The following TNIP3 variants were observed in gnomAD, a reference collection of about 807,000 sequenced individuals.
TNIP3 encodes TNFAIP3-interacting protein 3.
Under a neutral mutation model 54.1 loss-of-function variants are expected in TNIP3, and 34 were observed. That is an observed-to-expected ratio of 0.63 (90% CI 0.48 to 0.84). TNIP3 has a LOEUF of 0.84. TNIP3 is among the 40% of genes least tolerant of loss of function. The pLI, the probability that TNIP3 is intolerant of heterozygous loss-of-function variation, is 0.00. For missense variants in TNIP3, 366 were observed against 387.6 expected (o/e 0.94, Z 0.47); for synonymous variants, 134 against 136.8 (o/e 0.98, Z 0.14).
chr4:121,204,055 T>C (rs115957077), intron 2 of TNIP3, among the ~76,000 whole-genome samples: 3,970 of 151,856 alleles, frequency 0.026, 81 homozygotes, highest in Admixed American at 0.036. Context: ...AATCTCTGAC[T>C]ATTCCTTCAG....
chr4:121,204,989 A>G (rs1726102693), intron 2 of TNIP3, among the ~76,000 whole-genome samples: 1 of 152,092 alleles, frequency 6.6e-6, no homozygotes, highest in African/African-American at 2.4e-5. Flanking sequence ...CTCTTCCGTA[A>G]TTGTTCATTC....
At chr4:121,144,078 G>A (rs529427470) in intron 7 of TNIP3, among the ~76,000 whole-genome samples, 6 of 152,302 alleles carry the variant, frequency 3.9e-5, no homozygotes, top group Admixed American at 2.0e-4. Flanking sequence ...ATTGATTTGG[G>A]GATGACAAAT....
intron 3 of TNIP3, among the ~76,000 whole-genome samples, chr4:121,177,358 T>C (rs1579445711): frequency 1.3e-5 from 2 of 152,362 alleles, no homozygotes; most frequent in East Asian, 3.9e-4. Flanking sequence ...TCTCCCAGAA[T>C]ATAAAAGCAC....
intron 1 of TNIP3, among the ~76,000 whole-genome samples, chr4:121,227,143 T>G (rs1202692440): frequency 3.3e-5 from 5 of 152,192 alleles, no homozygotes; most frequent in African/African-American, 1.2e-4. Flanking sequence ...TAACAAAAGC[T>G]GTAAAATAAA....
intron 4 of TNIP3, 140 bp from the exon 5 acceptor site, chr4:121,154,819 G>T: frequency 1.4e-6 from 1 of 690,492 alleles, no homozygotes; most frequent in Non-Finnish European, 2.3e-6. Context: ...GGACCTGCAA[G>T]ACTTTAAACT....
At chr4:121,222,183 T>G (rs965339987) in intron 1 of TNIP3, among the ~76,000 whole-genome samples, 1 of 152,202 alleles carries the variant, frequency 6.6e-6, no homozygotes, top group Admixed American at 6.5e-5. Context: ...AGTGAAATAT[T>G]AGTGAATTTC....
At chr4:121,209,732 G>A (rs1405040592) in intron 2 of TNIP3, among the ~76,000 whole-genome samples, 3 of 152,048 alleles carry the variant, frequency 2.0e-5, no homozygotes, top group Admixed American at 2.0e-4. Context: ...TTCCAAATAG[G>A]AAGAGATAAA....
chr4:121,180,591 G>T (rs1197790716), intron 3 of TNIP3, among the ~76,000 whole-genome samples: 1 of 152,184 alleles, frequency 6.6e-6, no homozygotes, highest in African/African-American at 2.4e-5. Flanking sequence ...AATGAGCTTG[G>T]CTATGTTGTG....
At chr4:121,159,022 C>T (rs1730284628) in intron 2 of TNIP3, among the ~76,000 whole-genome samples, 1 of 152,184 alleles carries the variant, frequency 6.6e-6, no homozygotes, top group Non-Finnish European at 1.5e-5. Flanking sequence ...CAGGTGGGAT[C>T]ACTTGAGGTC....
At chr4:121,172,511 G>T (rs1284249437) in intron 3 of TNIP3, among the ~76,000 whole-genome samples, 5 of 152,164 alleles carry the variant, frequency 3.3e-5, no homozygotes, top group African/African-American at 1.2e-4. Context: ...CTGTAACCCT[G>T]ATGTCTCCAC....
At chr4:121,148,923 C>A (rs570683242) in intron 6 of TNIP3, among the ~76,000 whole-genome samples, 2 of 152,322 alleles carry the variant, frequency 1.3e-5, no homozygotes, top group South Asian at 4.1e-4. Context: ...CTATGACACC[C>A]TGTCTCCCAT....
intron 2 of TNIP3, among the ~76,000 whole-genome samples, chr4:121,198,049 A>C (rs1447864601): frequency 6.6e-6 from 1 of 152,232 alleles, no homozygotes; most frequent in African/African-American, 2.4e-5. Flanking sequence ...AATAGATCCT[A>C]GAAAAGAACT....
At chr4:121,213,615 T>C (rs943340810) in intron 2 of TNIP3, among the ~76,000 whole-genome samples, 1 of 150,980 alleles carries the variant, frequency 6.6e-6, no homozygotes, top group Non-Finnish European at 1.5e-5. Flanking sequence ...TAGTCCCAGC[T>C]ACTAGGGAGG....
At chr4:121,141,958 T>G in intron 8 of TNIP3, 44 bp from the exon 9 acceptor site, 1 of 1,366,128 alleles carries the variant, frequency 7.3e-7, no homozygotes, top group Non-Finnish European at 1.0e-6. Context: ...TGGGAGAGAC[T>G]GAGGAGTTGC....
intron 2 of TNIP3, among the ~76,000 whole-genome samples, chr4:121,160,613 A>G (rs1283541643): frequency 1.3e-5 from 2 of 152,230 alleles, no homozygotes; most frequent in African/African-American, 4.8e-5. Context: ...AATTCCAAAT[A>G]ATACCCATTA....
chr4:121,171,930 A>G (rs1472182877), intron 3 of TNIP3, among the ~76,000 whole-genome samples: 1 of 151,912 alleles, frequency 6.6e-6, no homozygotes, highest in African/African-American at 2.4e-5. Context: ...ATGGGGTTTC[A>G]CCATGTTGGT....
chr4:121,168,660 G>A (rs961755343), upstream of TNIP3, among the ~76,000 whole-genome samples: 95 of 151,878 alleles, frequency 6.3e-4, no homozygotes, highest in African/African-American at 2.1e-3. Context: ...AGCTACAGGT[G>A]TGTACAACCA....
intron 1 of TNIP3, among the ~76,000 whole-genome samples, chr4:121,223,931 G>A (rs757169956): frequency 1.3e-4 from 20 of 152,168 alleles, no homozygotes; most frequent in Non-Finnish European, 2.5e-4. Flanking sequence ...ATCTAACCAC[G>A]GGAGGCTACA....
At chr4:121,220,587 C>G (rs1394228575), upstream of TNIP3, among the ~76,000 whole-genome samples, 1 of 151,912 alleles carries the variant, frequency 6.6e-6, no homozygotes, top group Non-Finnish European at 1.5e-5. Flanking sequence ...TGTACTGAAA[C>G]AATGTTTTTT....
Sources: allele counts gnomAD v4.1 joint callset (sites outside exome capture counted in the v4.1 genomes callset), GRCh38; gene constraint gnomAD v4.1.1; transcripts MANE v1.5; gene names NCBI Gene and HGNC (gene_info 2026-07-23, HGNC 2026-07-21).